COBL: variants seen among roughly 807,000 people sequenced by gnomAD.
The protein encoded by COBL is cordon-bleu WH2 repeat protein.
A neutral mutation model predicts 98.8 loss-of-function variants in COBL; 51 were observed. The observed-to-expected ratio is 0.52, with a 90% CI of 0.41 to 0.65. The LOEUF (loss-of-function observed/expected upper bound fraction) is 0.65. Among genes scored for constraint, COBL ranks in the 30% least tolerant of loss-of-function variants. The pLI is 0.00. For synonymous variants in COBL, 634 were observed against 651.7 expected, an observed-to-expected ratio of 0.97 and a Z score of 0.41; for missense variants, 1,617 against 1,617.5, an observed-to-expected ratio of 1.00 and a Z score of 0.01.
chr7:51,249,590 T>C (rs1221152629), intron 1 of COBL, among the ~76,000 whole-genome samples: 1 of 152,226 alleles, frequency 6.6e-6, no homozygotes, highest in Non-Finnish European at 1.5e-5. Context: ...AATACCCACA[T>C]TTCTTCGTAA....
chr7:51,272,219 A>G (rs1213072668), intron 1 of COBL, among the ~76,000 whole-genome samples: 1 of 152,212 alleles, frequency 6.6e-6, no homozygotes, highest in Non-Finnish European at 1.5e-5. Flanking sequence ...TGCATGCTTC[A>G]GTTCCCTCCG....
At chr7:51,186,326 G>A (rs1284551537) in intron 4 of COBL, among the ~76,000 whole-genome samples, 1 of 152,184 alleles carries the variant, frequency 6.6e-6, no homozygotes. Context: ...CATATTGAAT[G>A]CATAGCACTT....
At chr7:51,220,017 C>G in intron 1 of COBL, 73 bp from the exon 2 acceptor site, 2 of 1,442,020 alleles carry the variant, frequency 1.4e-6, no homozygotes, top group Admixed American at 2.0e-5. Context: ...TTCGTTCTTA[C>G]ACATACTCAG....
At chr7:51,302,743 T>A (rs1014621147) in intron 1 of COBL, among the ~76,000 whole-genome samples, 1 of 152,034 alleles carries the variant, frequency 6.6e-6, no homozygotes, top group Non-Finnish European at 1.5e-5. Context: ...AAGAAAAAAA[T>A]AATAATAATT....
chr7:51,303,059 C>A (rs909477116), intron 1 of COBL, among the ~76,000 whole-genome samples: 1 of 152,196 alleles, frequency 6.6e-6, no homozygotes, highest in African/African-American at 2.4e-5. Flanking sequence ...GCAATAGAAA[C>A]CTGCACTTCA....
At chr7:51,228,167 C>T (rs939216890) in intron 1 of COBL, among the ~76,000 whole-genome samples, 7 of 152,062 alleles carry the variant, frequency 4.6e-5, no homozygotes, top group Admixed American at 1.3e-4. Flanking sequence ...CCAGCCACGA[C>T]GTGGCCACGC....
chr7:51,158,712 G>C (rs2129031862), intron 5 of COBL, among the ~76,000 whole-genome samples: 1 of 152,298 alleles, frequency 6.6e-6, no homozygotes, highest in Non-Finnish European at 1.5e-5. Context: ...AAAGAATGCA[G>C]GCAAAAGTCG....
chr7:51,082,901 C>T (rs967150879), intron 7 of COBL, among the ~76,000 whole-genome samples: 1 of 152,210 alleles, frequency 6.6e-6, no homozygotes, highest in Non-Finnish European at 1.5e-5. Context: ...TCTGTGAAAT[C>T]AGACACACTG....
At chr7:51,166,577 G>C (rs575542399) in intron 5 of COBL, among the ~76,000 whole-genome samples, 1 of 152,144 alleles carries the variant, frequency 6.6e-6, no homozygotes, top group South Asian at 2.1e-4. Context: ...AAACAGGGGA[G>C]GATGAATACT....
chr7:51,095,959 C>T lies in COBL; in HGVS notation c.958-10655G>A, dbSNP rs920172073. On this transcript the variant is annotated intron_variant, in intron 6 of 12. Coordinates refer to ENST00000265136, the MANE Select transcript of COBL (RefSeq NM_015198.5). ...TAAAGTAGGATATTTCAATGCTCCA[C>T]TTTCAATAATGAATAGATTAACCAG... Among the ~76,000 whole-genome samples the T allele has an allele frequency of 6.6e-5, 10 of 152,114 alleles. 1 individual carries two copies. Among genetic ancestry groups the T allele is most frequent in the Non-Finnish European group, 1.0e-4 (7 of 67,986 alleles).
At chr7:51,100,940 C>A (rs529194250) in intron 6 of COBL, among the ~76,000 whole-genome samples, 88 of 151,736 alleles carry the variant, frequency 5.8e-4, no homozygotes, top group African/African-American at 2.1e-3. Flanking sequence ...CAAAAAAAAA[C>A]GCAGCAGCAG....
At chr7:51,247,795 CA>C (rs756497910) in intron 1 of COBL, among the ~76,000 whole-genome samples, 2 of 152,082 alleles carry the variant, frequency 1.3e-5, no homozygotes, top group Non-Finnish European at 2.9e-5. Flanking sequence ...AAGAAGACGC[CA>C]AAGGGTTATT....
In COBL at chr7:51,029,454, A is replaced by T; in HGVS notation, c.1642T>A (p.Ser548Thr). ...AIPVTFIGEV[S>T]DDPVDSGLFS... is the part of the protein sequence containing the mutation. ...AACCCCGAATCCACAGGATCATCTG[A>T]AACTTCCCCTATGAATGTTACTGGG... Residue 548 changes from serine to threonine, a missense_variant, in exon 10 of 13, where the codon TCA becomes ACA. Transcript: ENST00000265136. 1 of 1,614,164 alleles carries T rather than the reference A, an allele frequency of 6.2e-7. No homozygotes were observed. The highest frequency in any genetic ancestry group is 8.5e-7 in the Non-Finnish European group (1 of 1,180,038).
chr7:51,158,558 G>C (rs1369805304), intron 5 of COBL, among the ~76,000 whole-genome samples: 1 of 152,208 alleles, frequency 6.6e-6, no homozygotes, highest in African/African-American at 2.4e-5. Flanking sequence ...CAAGGGAGCA[G>C]TGGGGATTTA....
intron 9 of COBL, among the ~76,000 whole-genome samples, chr7:51,030,381 G>A (rs1015648893): frequency 6.6e-6 from 1 of 152,174 alleles, no homozygotes; most frequent in Non-Finnish European, 1.5e-5. Flanking sequence ...TATAATAGCA[G>A]TGCCATGAGA....
At chr7:51,243,050 C>A (rs1055948939) in intron 1 of COBL, among the ~76,000 whole-genome samples, 1 of 152,178 alleles carries the variant, frequency 6.6e-6, no homozygotes, top group Non-Finnish European at 1.5e-5. Flanking sequence ...CAATTTTCTG[C>A]GCTTGTTAAA....
chr7:51,253,749 A>G (rs1385775488), intron 1 of COBL, among the ~76,000 whole-genome samples: 6 of 152,232 alleles, frequency 3.9e-5, no homozygotes, highest in African/African-American at 1.2e-4. Context: ...ATAAATCTCA[A>G]CAGTTATTTG....
chr7:51,208,076 C>T (rs185828001), intron 2 of COBL, among the ~76,000 whole-genome samples: 4,612 of 151,336 alleles, frequency 0.03, 205 homozygotes, highest in South Asian at 0.14. Context: ...GCGCCTCTGC[C>T]CCGCCGCCCC....
chr7:51,190,021 C>T (rs1030488660), intron 4 of COBL, among the ~76,000 whole-genome samples: 3 of 152,170 alleles, frequency 2.0e-5, no homozygotes, highest in Admixed American at 6.5e-5. Context: ...GATGAGCAAG[C>T]AGGATGACAC....
Sources: allele counts gnomAD v4.1 joint callset (sites outside exome capture counted in the v4.1 genomes callset), GRCh38; gene constraint gnomAD v4.1.1; transcripts MANE v1.5; gene names NCBI Gene and HGNC (gene_info 2026-07-23, HGNC 2026-07-21).